Variants in AK5 observed in about 807,000 individuals in gnomAD.
The protein encoded by AK5 is adenylate kinase 5.
In AK5, 27 loss-of-function variants were observed where a neutral mutation model predicts 69.5. That is an observed-to-expected ratio of 0.39 (90% CI 0.29 to 0.54). The LOEUF (loss-of-function observed/expected upper bound fraction) is 0.54, where lower values mean the gene tolerates loss of function less well. AK5 is among the 20% of genes least tolerant of loss of function. The pLI is 0.71. For missense variants in AK5, 531 were observed against 700.4 expected (o/e 0.76, Z 2.73); for synonymous variants, 260 against 244.4 (o/e 1.06, Z -0.60).
At chr1:77,358,255 A>G (rs1001340250) in intron 6 of AK5, among the ~76,000 whole-genome samples, 3 of 152,070 alleles carry the variant, frequency 2.0e-5, no homozygotes, top group Non-Finnish European at 4.4e-5. Context: ...AAAATTTTTT[A>G]ACTTAAAATT....
intron 6 of AK5, among the ~76,000 whole-genome samples, chr1:77,391,495 G>GTGTATATGTATATATATATATA (rs1425180466): frequency 1.6e-5 from 1 of 63,450 alleles, no homozygotes; most frequent in African/African-American, 5.3e-5. Flanking sequence ...GTGTGTGTGT[G>GTGTATATGTATATATATATATA]TATATATATA....
chr1:77,329,707 A>G (rs1660988857), intron 5 of AK5, among the ~76,000 whole-genome samples: 1 of 152,204 alleles, frequency 6.6e-6, no homozygotes, highest in African/African-American at 2.4e-5. Flanking sequence ...TATCTGAACC[A>G]CATGAAGAAT....
intron 5 of AK5, among the ~76,000 whole-genome samples, chr1:77,300,479 A>C (rs900550568): frequency 1.3e-5 from 2 of 152,166 alleles, no homozygotes; most frequent in Non-Finnish European, 2.9e-5. Context: ...TGTGGAGGCA[A>C]AGCTGAAATG....
intron 8 of AK5, among the ~76,000 whole-genome samples, chr1:77,452,191 C>A (rs1283447251): frequency 6.6e-6 from 1 of 151,976 alleles, no homozygotes; most frequent in Non-Finnish European, 1.5e-5. Flanking sequence ...TTATATGTAT[C>A]TTTTTGTTTG....
chr1:77,475,503 TTA>T (rs369359291), intron 8 of AK5, among the ~76,000 whole-genome samples: 26,187 of 68,740 alleles, frequency 0.38, 4,710 homozygotes, highest in Middle Eastern at 0.42. Context: ...CAAATATATA[TTA>T]TATATATATG....
At chr1:77,482,674 G>A (rs565805495) in intron 8 of AK5, among the ~76,000 whole-genome samples, 1 of 151,726 alleles carries the variant, frequency 6.6e-6, no homozygotes, top group South Asian at 2.1e-4. Flanking sequence ...TGGGGAGGCT[G>A]AGGCCCAAGT....
intron 7 of AK5, among the ~76,000 whole-genome samples, chr1:77,415,011 A>C (rs1487460892): frequency 6.6e-6 from 1 of 152,190 alleles, no homozygotes; most frequent in Non-Finnish European, 1.5e-5. Flanking sequence ...TCCTGTTGCC[A>C]GGAGTAACAA....
intron 6 of AK5, among the ~76,000 whole-genome samples, chr1:77,391,390 A>AATAT (rs35685699): frequency 1.1e-4 from 15 of 141,660 alleles, no homozygotes; most frequent in African/African-American, 4.1e-4. Flanking sequence ...CAAAAAAAAA[A>AATAT]ATATATATAT....
At chr1:77,513,733 G>A (rs1187398429) in intron 10 of AK5, among the ~76,000 whole-genome samples, 3 of 152,142 alleles carry the variant, frequency 2.0e-5, no homozygotes, top group Admixed American at 1.3e-4. Context: ...CCAGCTACTC[G>A]GGAGGCTGAG....
chr1:77,390,870 G>A (rs1408860623), intron 6 of AK5, among the ~76,000 whole-genome samples: 1 of 152,132 alleles, frequency 6.6e-6, no homozygotes, highest in Non-Finnish European at 1.5e-5. Context: ...TACTTAAAAT[G>A]TTTGTGTACA....
chr1:77,522,971 A>G (rs1557652769), intron 12 of AK5, among the ~76,000 whole-genome samples: 1 of 152,162 alleles, frequency 6.6e-6, no homozygotes, highest in Non-Finnish European at 1.5e-5. Context: ...GAAAGGGTTA[A>G]TGACTTCCCC....
chr1:77,468,428 A>C (rs536122076), intron 8 of AK5, among the ~76,000 whole-genome samples: 1 of 152,322 alleles, frequency 6.6e-6, no homozygotes, highest in African/African-American at 2.4e-5. Context: ...TGAAGTGCAC[A>C]ACTGTAGAGC....
In AK5 at chr1:77,454,958, A is replaced by G. The variant is rs564130346; in HGVS notation, c.1060-28359A>G. On this transcript the variant is annotated intron_variant, in intron 8 of 13. Transcript: ENST00000354567. The stretch of plus-strand genomic sequence containing the variant: ...CATGTTGCCTTTCCTTTTTTGCTCT[A>G]TGATAAGAAGCTTTTTCCACTATCC... Among the ~76,000 whole-genome samples the G allele has an allele frequency of 9.2e-5, 14 of 152,172 alleles. 1 individual carries two copies. The South Asian group carries it at 2.9e-3, about 32-fold the overall frequency.
rs536926129 is a variant in AK5, at chr1:77,435,957, G to T, written c.1059+18242G>T. Among the ~76,000 whole-genome samples, 4 of 152,188 alleles carry T rather than the reference G, an allele frequency of 2.6e-5. No homozygotes were observed. In the South Asian group the frequency reaches 8.3e-4, roughly 32 times the overall value. On this transcript the variant is annotated intron_variant, in intron 8 of 13. Transcript: ENST00000354567. The stretch of plus-strand genomic sequence containing the variant: ...ATCCCTCAAAAACCTTTCACGATCT[G>T]CACAGACCTTTGATGGCATGCTTAA...
chr1:77,506,147 A>G (rs891238144), intron 10 of AK5, among the ~76,000 whole-genome samples: 1 of 152,060 alleles, frequency 6.6e-6, no homozygotes, highest in African/African-American at 2.4e-5. Context: ...TGGAAAAATA[A>G]ATGTGCTTGA....
Position 77,295,250 on chromosome 1 carries a change from G to A in AK5, c.415+1290G>A, listed in dbSNP as rs141817134. On this transcript the variant is annotated intron_variant, in intron 3 of 13. Transcript: ENST00000354567. The stretch of plus-strand genomic sequence containing the variant: ...TATGGAGACCCCATGCAAGGAAGTA[G>A]TGCTTCAGAGGACATAGCAATGTTG... 1.4e-4 allele frequency among the ~76,000 whole-genome samples: 21 copies of A among 152,282 alleles called. No homozygotes were observed. The East Asian group carries it at 3.9e-3, about 28-fold the overall frequency.
intron 5 of AK5, among the ~76,000 whole-genome samples, chr1:77,335,115 C>T (rs957183323): frequency 6.6e-6 from 1 of 152,172 alleles, no homozygotes; most frequent in African/African-American, 2.4e-5. Context: ...GTCAAAAGTA[C>T]TGACAGTTAA....
chr1:77,493,105 G>C (rs546753084), intron 10 of AK5, among the ~76,000 whole-genome samples: 1 of 152,288 alleles, frequency 6.6e-6, no homozygotes, highest in Admixed American at 6.5e-5. Flanking sequence ...TACACAGCTA[G>C]CTGGTAGAGC....
At chr1:77,484,878 A>ATACTTAATT (rs1471260855) in intron 9 of AK5, among the ~76,000 whole-genome samples, 2 of 152,266 alleles carry the variant, frequency 1.3e-5, no homozygotes, top group East Asian at 3.8e-4. Flanking sequence ...TAAAAACTAT[A>ATACTTAATT]TACTTAATTT....
Sources: gnomAD v4.1 joint callset for allele counts (sites outside exome capture counted in the v4.1 genomes callset) on GRCh38, gnomAD v4.1.1 for gene constraint, MANE v1.5 for transcripts, NCBI Gene and HGNC (gene_info 2026-07-23, HGNC 2026-07-21) for gene names.